Variants in ETV3 observed in about 807,000 individuals in gnomAD.
ETV3 encodes the protein ETS variant transcription factor 3, also known as ETS translocation variant 3.
In ETV3, 8 loss-of-function variants were observed where a neutral mutation model predicts 33.0. The observed-to-expected ratio is 0.24, with a 90% CI of 0.14 to 0.44. The LOEUF is 0.44. Ranked by LOEUF, ETV3 falls within the 20% of genes least tolerant of loss-of-function variation. The pLI is 1.00. For synonymous variants in ETV3, 222 were observed against 238.9 expected, an observed-to-expected ratio of 0.93 and a Z score of 0.65; for missense variants, 473 against 652.3, an observed-to-expected ratio of 0.73 and a Z score of 2.99.
At chr1:157,137,183 T>C (rs2103209291) in intron 1 of ETV3, among the ~76,000 whole-genome samples, 1 of 152,222 alleles carries the variant, frequency 6.6e-6, no homozygotes, top group Non-Finnish European at 1.5e-5. Context: ...CAAGGAGCTT[T>C]GTGTTAATCA....
At chr1:157,128,959 T>C (rs1674907820) in intron 4 of ETV3, among the ~76,000 whole-genome samples, 1 of 152,236 alleles carries the variant, frequency 6.6e-6, no homozygotes, top group African/African-American at 2.4e-5. Flanking sequence ...ACAAAGATGA[T>C]GAATGCCATC....
chr1:157,127,204 A>G (rs1674862302), intron 4 of ETV3, among the ~76,000 whole-genome samples: 1 of 152,160 alleles, frequency 6.6e-6, no homozygotes, highest in African/African-American at 2.4e-5. Flanking sequence ...TAAAAACTCA[A>G]AGATAAAACT....
intron 1 of ETV3, among the ~76,000 whole-genome samples, chr1:157,137,063 G>A (rs1675129399): frequency 6.6e-6 from 1 of 152,198 alleles, no homozygotes; most frequent in Admixed American, 6.5e-5. Flanking sequence ...GGGGTGAAAA[G>A]CAGGCATTTC....
chr1:157,135,408 T>C, intron 3 of ETV3, 63 bp downstream of exon 3: 1 of 1,579,650 alleles, frequency 6.3e-7, no homozygotes, highest in Non-Finnish European at 8.7e-7. Flanking sequence ...TTATCTAGCA[T>C]TCACCAAACA....
In ETV3 at chr1:157,122,768, C is replaced by G. The variant is rs538725522; in HGVS notation, c.*2073G>C. 1.3e-5 allele frequency: 2 copies of G among 152,168 alleles called. No individual in the cohort carries two copies. Among genetic ancestry groups the G allele is most frequent in the East Asian group, 1.9e-4 (1 of 5,194 alleles). The allele number at this position is 152,168 out of a possible 1,614,324, so 9.4% of individuals were successfully genotyped here. A position where few individuals can be genotyped will look rare whatever the true frequency, so the allele number is the denominator to read the frequency against. On this transcript the variant is annotated 3_prime_UTR_variant, in exon 5 of 5. Coordinates refer to ENST00000368192, the MANE Select transcript of ETV3 (RefSeq NM_001145312.3). Reference sequence around the variant, plus strand: ...CTTGCTTTCTGATTCAGAGGTAAGTCGAAGTGCAGAGAAAGAAACTTACAA... The same window carrying G: ...CTTGCTTTCTGATTCAGAGGTAAGTGGAAGTGCAGAGAAAGAAACTTACAA...
At position 157,124,618 on chromosome 1, in the gene ETV3, C is replaced by A. The variant is rs1012292795; in HGVS notation, c.*223G>T. ...GGCTCCTTCTCCTTTGAGTTCAATACCCTCCCTGTGTCCTACTCACCAGGA... is the reference window on the plus strand; with the variant it reads ...GGCTCCTTCTCCTTTGAGTTCAATAACCTCCCTGTGTCCTACTCACCAGGA... On this transcript the variant is annotated 3_prime_UTR_variant, in exon 5 of 5. Coordinates refer to ENST00000368192, the MANE Select transcript of ETV3 (RefSeq NM_001145312.3). The A allele has an allele frequency of 1.5e-5, 7 of 456,210 alleles. No homozygotes were observed. The East Asian group carries it at 2.4e-4, about 16-fold the overall frequency. The allele number at this position is 456,210 out of a possible 1,614,324, so 28.3% of individuals were successfully genotyped here. A position where few individuals can be genotyped will look rare whatever the true frequency, so the allele number is the denominator to read the frequency against.
Position 157,134,196 on chromosome 1 carries a change from T to C in ETV3, c.316A>G (p.Thr106Ala), listed in dbSNP as rs756878385. The part of the protein sequence containing the change: ...YYYNKRILHK[T>A]KGKRFTYKFN... Reference sequence around the variant, plus strand: ...TTATAGGTAAATCTTTTCCCTTTTGTTTTATGAAGGATCCTCTTGTTGTAA... The same window carrying C: ...TTATAGGTAAATCTTTTCCCTTTTGCTTTATGAAGGATCCTCTTGTTGTAA... The change falls in exon 4 of 5, where the codon ACA becomes GCA. Residue 106 changes from threonine to alanine, a missense_variant. Coordinates refer to ENST00000368192, the MANE Select transcript of ETV3 (RefSeq NM_001145312.3). 1.2e-6 allele frequency: 2 copies of C among 1,613,800 alleles called. No homozygotes were observed. Among genetic ancestry groups the C allele is most frequent in the Admixed American group, 3.3e-5 (2 of 59,966 alleles).
chr1:157,125,351 G>A lies in ETV3; in HGVS notation c.1029C>T (p.Ser343=), dbSNP rs1470987404. 57 of 1,551,848 alleles carry A rather than the reference G, an allele frequency of 3.7e-5. No homozygotes were observed. In the Admixed American group the frequency reaches 9.2e-4, roughly 25 times the overall value. Residue 343 remains serine (S), a synonymous_variant, in exon 5 of 5, where the codon TCC becomes TCT. Coordinates refer to ENST00000368192, the MANE Select transcript of ETV3 (RefSeq NM_001145312.3). The surrounding 1 kb of genome is among the most constrained non-coding windows in gnomAD (Gnocchi z 4.0). ...CAACTGGTGGGGGCTGCAGCTTGAT[G>A]GAGAACTGAGTTGACTCCTCAGGAT... ...QMHPEESTQF[S]IKLQPPPVGR... is the part of the protein sequence containing the mutation.
chr1:157,121,819 T>C lies in ETV3; in HGVS notation c.*3022A>G, dbSNP rs1674717019. The C allele has an allele frequency of 6.6e-6, 1 of 152,176 alleles. No individual in the cohort carries two copies. Among genetic ancestry groups the C allele is most frequent in the African/African-American group, 2.4e-5 (1 of 41,434 alleles). 9.4% of individuals were successfully genotyped at this position (152,176 alleles called of 1,614,324 possible). A position where few individuals can be genotyped will look rare whatever the true frequency, so the allele number is the denominator to read the frequency against. ...TTTCTTGGCCCACAGAGGACTAGGG[T>C]GCAATCATTCCCTGTGTTAGTGAGT... On this transcript the variant is annotated 3_prime_UTR_variant, in exon 5 of 5. Transcript: ENST00000368192.
intron 4 of ETV3, chr1:157,128,537 C>G: frequency 3.8e-6 from 1 of 261,930 alleles, no homozygotes; most frequent in Non-Finnish European, 7.8e-6. Flanking sequence ...AAGGCATTAC[C>G]TGGGGAGAGG....
At chr1:157,133,648 T>TC in intron 4 of ETV3, 1 of 988,496 alleles carries the variant, frequency 1.0e-6, no homozygotes, top group Non-Finnish European at 1.2e-6. Flanking sequence ...CATGTGAACC[T>TC]CCCCCTTCTC....
In ETV3 at chr1:157,135,622, G is replaced by A. The variant is rs1675088605; in HGVS notation, c.133C>T (p.Leu45=). Residue 45 remains leucine, a synonymous_variant, in exon 3 of 5, where the codon CTG becomes TTG. Coordinates refer to ENST00000368192, the MANE Select transcript of ETV3 (RefSeq NM_001145312.3). The part of the protein sequence containing the change: ...IQLWHFILEL[L]QKEEFRHVIA... The stretch of plus-strand genomic sequence containing the variant: ...ACATGGCGGAACTCTTCCTTCTGCA[G>A]CAGCTCCAGGATGAAGTGCCACAGC... 2 of 1,614,184 alleles carry A rather than the reference G, an allele frequency of 1.2e-6. No homozygotes were observed. Among genetic ancestry groups the A allele is most frequent in the Non-Finnish European group, 1.7e-6 (2 of 1,180,024 alleles).
chr1:157,137,371 C>T (rs1255609512), intron 1 of ETV3, among the ~76,000 whole-genome samples: 1 of 152,054 alleles, frequency 6.6e-6, no homozygotes, highest in Non-Finnish European at 1.5e-5. Flanking sequence ...GAAATTTCAC[C>T]TAACCTAGGA....
chr1:157,124,994 A>T lies in ETV3; in HGVS notation c.1386T>A (p.Pro462=). The stretch of plus-strand genomic sequence containing the variant: ...GCATCAGTGCATCTTCTTTCTTCTC[A>T]GGTGCACTGGGCTCTTTGCCAGGCC... ...EDRPGKEPSA[P]EKKEDALMPP... Residue 462 remains proline (P), a synonymous_variant, in exon 5 of 5, where the codon CCT becomes CCA. Coordinates refer to ENST00000368192, the MANE Select transcript of ETV3 (RefSeq NM_001145312.3). The T allele has an allele frequency of 1.3e-6, 2 of 1,551,772 alleles. No individual in the cohort carries two copies. The highest frequency in any genetic ancestry group is 8.7e-7 in the Non-Finnish European group (1 of 1,147,008).
At chr1:157,136,114 G>C (rs917746914) in intron 2 of ETV3, among the ~76,000 whole-genome samples, 193 bp downstream of exon 2, 13 of 152,168 alleles carry the variant, frequency 8.5e-5, no homozygotes, top group Non-Finnish European at 1.6e-4. Context: ...TAAAGCTTAG[G>C]ATATGGGTGT....
intron 4 of ETV3, among the ~76,000 whole-genome samples, chr1:157,132,991 T>C (rs1461704573): frequency 6.6e-6 from 1 of 152,210 alleles, no homozygotes; most frequent in Non-Finnish European, 1.5e-5. Context: ...TGCCTTAGCA[T>C]ACAAGGCCAC....
rs1047995482 is a variant in ETV3, at chr1:157,124,785, T to A, written c.*56A>T. On this transcript the variant is annotated 3_prime_UTR_variant, in exon 5 of 5. Coordinates refer to ENST00000368192, the MANE Select transcript of ETV3 (RefSeq NM_001145312.3). ...CCCCCCACCCTGAAATCTTGCTACA[T>A]AAATACATGTATGTATTTGATTATA... 23 of 193,526 alleles carry A rather than the reference T, an allele frequency of 1.2e-4. No homozygotes were observed. Among genetic ancestry groups the A allele is most frequent in the Non-Finnish European group, 2.0e-4 (22 of 110,904 alleles). 12.0% of individuals were successfully genotyped at this position (193,526 alleles called of 1,614,324 possible).
chr1:157,129,046 A>G (rs1444549908), intron 4 of ETV3, among the ~76,000 whole-genome samples: 1 of 152,210 alleles, frequency 6.6e-6, no homozygotes, highest in Non-Finnish European at 1.5e-5. Context: ...TACTGGGGAA[A>G]GTCCTTCACT....
intron 4 of ETV3, among the ~76,000 whole-genome samples, chr1:157,129,589 G>A (rs553145728): frequency 2.0e-5 from 3 of 152,308 alleles, no homozygotes; most frequent in East Asian, 3.9e-4. Flanking sequence ...TTTAAAATTA[G>A]GAAGAACAGA....
Sources: gnomAD v4.1 joint callset for allele counts (sites outside exome capture counted in the v4.1 genomes callset) on GRCh38, gnomAD v4.1.1 for gene constraint, Gnocchi (gnomAD v3.1) non-coding constraint, MANE v1.5 for transcripts, NCBI Gene and HGNC (gene_info 2026-07-23, HGNC 2026-07-21) for gene names.